The following RPN2 variants were observed in gnomAD, a reference collection of about 807,000 sequenced individuals.
RPN2 encodes dolichyl-diphosphooligosaccharide--protein glycosyltransferase subunit 2.
Under a neutral mutation model 71.4 loss-of-function variants are expected in RPN2, and 29 were observed. The observed-to-expected ratio is 0.41, with a 90% CI of 0.30 to 0.55. The LOEUF (loss-of-function observed/expected upper bound fraction) is 0.55, where lower values mean the gene tolerates loss of function less well. RPN2 is among the 20% of genes least tolerant of loss of function. RPN2 has a pLI of 0.35. For synonymous variants in RPN2, 308 were observed against 305.0 expected (o/e 1.01, Z -0.10); for missense variants, 726 against 774.1 (o/e 0.94, Z 0.74).
chr20:37,238,492 C>G, intron 16 of RPN2: 1 of 1,380,368 alleles, frequency 7.2e-7, no homozygotes. Context: ...AGGGTCCCTT[C>G]CCCGTCTTGC....
chr20:37,233,052 C>A (rs374079930), intron 14 of RPN2, among the ~76,000 whole-genome samples: 1 of 151,290 alleles, frequency 6.6e-6, no homozygotes, highest in African/African-American at 2.4e-5. Flanking sequence ...CCCATCTCTA[C>A]TAAAATCAGA....
intron 9 of RPN2, among the ~76,000 whole-genome samples, chr20:37,216,462 ATTTTTATTTTTG>A (rs1219425922): frequency 1.3e-5 from 2 of 150,644 alleles, no homozygotes; most frequent in South Asian, 2.1e-4. Flanking sequence ...TTCTTTTTTT[ATTTTTATTTTTG>A]TTTTTGAGAC....
intron 11 of RPN2, among the ~76,000 whole-genome samples, chr20:37,227,689 C>T (rs2068113866): frequency 6.6e-6 from 1 of 152,198 alleles, no homozygotes; most frequent in Non-Finnish European, 1.5e-5. Flanking sequence ...TGTAAACCTA[C>T]CTGCCTTGTT....
chr20:37,227,184 G>A (rs1254086149), intron 11 of RPN2, among the ~76,000 whole-genome samples: 2 of 152,162 alleles, frequency 1.3e-5, no homozygotes, highest in African/African-American at 4.8e-5. Context: ...GAGTACTTCA[G>A]CCTCTTAGCA....
chr20:37,240,593 C>T (rs979826627), intron 16 of RPN2, among the ~76,000 whole-genome samples: 1 of 152,212 alleles, frequency 6.6e-6, no homozygotes, highest in Non-Finnish European at 1.5e-5. Flanking sequence ...CAGTTACTCA[C>T]TGCAGTCACC....
At chr20:37,217,286 A>ACTG (rs141816841) in intron 9 of RPN2, among the ~76,000 whole-genome samples, 1 of 149,448 alleles carries the variant, frequency 6.7e-6, no homozygotes, top group African/African-American at 2.5e-5. Context: ...TATTATTATT[A>ACTG]TTATTATTAT....
At chr20:37,193,317 G>C (rs1225906694) in intron 2 of RPN2, among the ~76,000 whole-genome samples, 1 of 152,312 alleles carries the variant, frequency 6.6e-6, no homozygotes, top group South Asian at 2.1e-4. Flanking sequence ...ATTCTAAAGG[G>C]AGAGGAGGAG....
At chr20:37,238,670 G>T in intron 16 of RPN2, 1 of 738,846 alleles carries the variant, frequency 1.4e-6, no homozygotes, top group Non-Finnish European at 2.5e-6. Flanking sequence ...GGATAACTTT[G>T]CAGTGAGCAG....
At chr20:37,226,992 A>G (rs2068093331) in intron 11 of RPN2, among the ~76,000 whole-genome samples, 1 of 152,236 alleles carries the variant, frequency 6.6e-6, no homozygotes, top group African/African-American at 2.4e-5. Flanking sequence ...CCTCAGAGGC[A>G]ACTGGATTTA....
rs565579871 is a variant in RPN2, at chr20:37,184,388, G to T, written c.207+15G>T. 1 of 1,611,656 alleles carries T rather than the reference G, an allele frequency of 6.2e-7. No individual in the cohort carries two copies. The highest frequency in any genetic ancestry group is 1.7e-5 in the Admixed American group (1 of 60,002). On this transcript the variant is annotated intron_variant, in intron 2 of 16. Transcript: ENST00000237530. ...CAGATGCAAAGGTAAGGCTGCTTTT[G>T]TCCTGGTGGTCAGGGTGGTTCAGGA...
chr20:37,241,105 A>G (rs1451516690), intron 16 of RPN2, among the ~76,000 whole-genome samples, 198 bp from the exon 17 acceptor site: 1 of 152,252 alleles, frequency 6.6e-6, no homozygotes. Context: ...CAGCTTAATT[A>G]TGAACTAGCT....
chr20:37,223,375 T>A (rs2068004936), intron 9 of RPN2, among the ~76,000 whole-genome samples: 1 of 152,212 alleles, frequency 6.6e-6, no homozygotes, highest in Non-Finnish European at 1.5e-5. Flanking sequence ...ACAGTCTGAT[T>A]TTGAGCAAAG....
chr20:37,182,921 C>T (rs1437395805), intron 1 of RPN2, among the ~76,000 whole-genome samples: 1 of 152,154 alleles, frequency 6.6e-6, no homozygotes, highest in African/African-American at 2.4e-5. Flanking sequence ...TCCCCTGGGG[C>T]ATCATAGATG....
In RPN2 at chr20:37,184,183, C is replaced by T. The variant is rs2066949721; in HGVS notation, c.17C>T (p.Ser6Leu). 3 of 1,614,056 alleles carry T rather than the reference C, an allele frequency of 1.9e-6. No individual in the cohort carries two copies. Among genetic ancestry groups the T allele is most frequent in the African/African-American group, 1.3e-5 (1 of 74,930 alleles). The change falls in exon 2 of 17, where the codon TCA becomes TTA. Residue 6 changes from serine to leucine, a missense_variant. Coordinates refer to ENST00000237530, the MANE Select transcript of RPN2 (RefSeq NM_002951.5). ...TGAATGGTTGTTTCCCCCCAAGGTT[C>T]AAGCACTGTCTTCCTGTTGGCCCTG... is the stretch of plus-strand genomic sequence containing the variant. MAPPG[S>L]STVFLLALTI...
chr20:37,230,264 A>G (rs1337576987), intron 13 of RPN2, among the ~76,000 whole-genome samples: 1 of 152,252 alleles, frequency 6.6e-6, no homozygotes, highest in Non-Finnish European at 1.5e-5. Context: ...CCCAGAAAGC[A>G]GAGAGTTGAA....
At chr20:37,220,819 T>C (rs1258685236) in intron 9 of RPN2, among the ~76,000 whole-genome samples, 1 of 152,244 alleles carries the variant, frequency 6.6e-6, no homozygotes, top group African/African-American at 2.4e-5. Context: ...TTTGAGTGTT[T>C]CCAGAGACCC....
chr20:37,207,205 C>G (rs2067531706), intron 6 of RPN2, 68 bp from the exon 7 acceptor site: 2 of 1,300,582 alleles, frequency 1.5e-6, no homozygotes, highest in Admixed American at 1.7e-5. Context: ...TGACTTTCCT[C>G]TACAGCAGTG....
At chr20:37,199,383 A>C (rs1323865769) in intron 4 of RPN2, among the ~76,000 whole-genome samples, 158 bp downstream of exon 4, 1 of 152,264 alleles carries the variant, frequency 6.6e-6, no homozygotes, top group Admixed American at 6.5e-5. Flanking sequence ...ACATGATTGC[A>C]TGAAGGCAAG....
intron 9 of RPN2, among the ~76,000 whole-genome samples, chr20:37,219,842 C>T (rs1015549240): frequency 1.3e-5 from 2 of 152,174 alleles, no homozygotes; most frequent in Non-Finnish European, 2.9e-5. Flanking sequence ...TTGGCACATA[C>T]ATCCTTGTAG....
Sources: gnomAD v4.1 joint callset for allele counts (sites outside exome capture counted in the v4.1 genomes callset) on GRCh38, gnomAD v4.1.1 for gene constraint, MANE v1.5 for transcripts, NCBI Gene and HGNC (gene_info 2026-07-23, HGNC 2026-07-21) for gene names.